The following LRMDA variants were observed in gnomAD, a reference collection of about 807,000 sequenced individuals.
LRMDA encodes the protein leucine-rich melanocyte differentiation-associated protein.
In LRMDA, 18 loss-of-function variants were observed where a neutral mutation model predicts 29.8. That is an observed-to-expected ratio of 0.60 (90% confidence interval 0.42 to 0.90). LRMDA has a LOEUF of 0.90. LRMDA is among the 40% of genes least tolerant of loss of function. The probability of loss-of-function intolerance (pLI) is 0.00; values close to 1 mark genes in which losing one functional copy is unlikely to be tolerated. For missense variants in LRMDA, 273 were observed against 273.9 expected, an observed-to-expected ratio of 1.00 and a Z score of 0.02; for synonymous variants, 125 against 109.4, an observed-to-expected ratio of 1.14 and a Z score of -0.89.
intron 2 of LRMDA, among the ~76,000 whole-genome samples, chr10:75,560,759 G>T (rs1375726992): frequency 6.6e-6 from 1 of 151,720 alleles, no homozygotes; most frequent in Non-Finnish European, 1.5e-5. Context: ...GTTGAATTTT[G>T]TCAAAGGCCT....
At chr10:76,338,719 A>T (rs1841000600) in intron 6 of LRMDA, among the ~76,000 whole-genome samples, 1 of 152,226 alleles carries the variant, frequency 6.6e-6, no homozygotes, top group African/African-American at 2.4e-5. Context: ...AATGTAAAAT[A>T]AAATACTTTT....
intron 5 of LRMDA, among the ~76,000 whole-genome samples, chr10:76,323,999 G>A (rs1840803490): frequency 1.3e-5 from 2 of 152,144 alleles, no homozygotes; most frequent in African/African-American, 4.8e-5. Context: ...TTATCCTGGG[G>A]GCAGAGCTTA....
At chr10:76,389,308 G>A (rs1445954596) in intron 6 of LRMDA, among the ~76,000 whole-genome samples, 1 of 152,082 alleles carries the variant, frequency 6.6e-6, no homozygotes, top group Non-Finnish European at 1.5e-5. Context: ...TGAGGCTGGA[G>A]AGATTGACAG....
At chr10:75,818,456 C>T (rs188877506) in intron 2 of LRMDA, among the ~76,000 whole-genome samples, 142 of 152,320 alleles carry the variant, frequency 9.3e-4, no homozygotes, top group African/African-American at 3.4e-3. Context: ...GATGAGGAGA[C>T]TGAGTGGTGT....
chr10:76,287,061 A>G (rs951861990), intron 5 of LRMDA, among the ~76,000 whole-genome samples: 4 of 152,252 alleles, frequency 2.6e-5, no homozygotes, highest in South Asian at 2.1e-4. Context: ...ATGCTTTTGA[A>G]TTTATTGGAT....
intron 2 of LRMDA, among the ~76,000 whole-genome samples, chr10:75,738,362 C>T (rs1179421737): frequency 6.6e-6 from 1 of 152,120 alleles, no homozygotes; most frequent in Non-Finnish European, 1.5e-5. Context: ...TCTTTGGTTT[C>T]ACAGAGGCCT....
At position 76,215,538 on chromosome 10, in the gene LRMDA, GAA is replaced by G. The variant is rs111919971; in HGVS notation, c.517-108852_517-108851del. Among the ~76,000 whole-genome samples the G allele has an allele frequency of 3.6e-4, 52 of 143,752 alleles. 1 individual carries two copies. Among genetic ancestry groups the G allele is most frequent in the African/African-American group, 1.3e-3 (51 of 39,430 alleles). The allele number at this position is 143,752 out of a possible 152,430, so 94.3% of individuals were successfully genotyped here. A position where few individuals can be genotyped will look rare whatever the true frequency, so the allele number is the denominator to read the frequency against. ...TGGGCTAAGTAGTAGATTCTTTCTT[GAA>G]AAAAAAAAAAGTGTGCATCCGTCAC... On this transcript the variant is annotated intron_variant, in intron 5 of 6. Coordinates refer to ENST00000611255, the MANE Select transcript of LRMDA (RefSeq NM_001305581.2).
At chr10:76,155,382 C>A (rs1898103) in intron 5 of LRMDA, among the ~76,000 whole-genome samples, 23,201 of 152,040 alleles carry the variant, frequency 0.15, 2,007 homozygotes, top group East Asian at 0.24. Flanking sequence ...CCCTAAAGGT[C>A]ATCAGAGGAG....
chr10:75,981,546 C>T (rs906990961), intron 2 of LRMDA, among the ~76,000 whole-genome samples: 3 of 152,132 alleles, frequency 2.0e-5, no homozygotes, highest in African/African-American at 7.2e-5. Context: ...ATTATCCATA[C>T]ATTTTAAGCT....
intron 6 of LRMDA, among the ~76,000 whole-genome samples, chr10:76,366,756 T>C (rs71473801): frequency 6.6e-6 from 1 of 152,170 alleles, no homozygotes. Flanking sequence ...CTTTCTCTTG[T>C]CTGATTGCTC....
intron 2 of LRMDA, among the ~76,000 whole-genome samples, chr10:75,955,979 G>T (rs958053704): frequency 6.6e-6 from 1 of 152,166 alleles, no homozygotes; most frequent in African/African-American, 2.4e-5. Context: ...AAACCTAGTA[G>T]CTTAAACCAA....
chr10:76,174,911 A>G (rs1363744077), intron 5 of LRMDA, among the ~76,000 whole-genome samples: 1 of 152,192 alleles, frequency 6.6e-6, no homozygotes, highest in African/African-American at 2.4e-5. Context: ...GCCTGAGCTC[A>G]GGAGTTCGAG....
At chr10:75,835,036 A>G (rs1430284583) in intron 2 of LRMDA, among the ~76,000 whole-genome samples, 1 of 152,250 alleles carries the variant, frequency 6.6e-6, no homozygotes, top group Non-Finnish European at 1.5e-5. Flanking sequence ...GCAGCACTCT[A>G]TTTATAAGTG....
At chr10:75,905,773 T>C (rs1845748137) in intron 2 of LRMDA, among the ~76,000 whole-genome samples, 1 of 152,124 alleles carries the variant, frequency 6.6e-6, no homozygotes, top group African/African-American at 2.4e-5. Context: ...TTCTTGGCCA[T>C]GCATAGACAA....
chr10:75,450,623 C>T (rs1433922436), intron 2 of LRMDA: 2 of 152,170 alleles, frequency 1.3e-5, no homozygotes, highest in African/African-American at 2.4e-5. Context: ...TTAAAACTTT[C>T]TTTTTCCTTG....
intron 2 of LRMDA, among the ~76,000 whole-genome samples, chr10:75,534,289 G>A (rs1589172324): frequency 6.6e-6 from 1 of 152,190 alleles, no homozygotes; most frequent in East Asian, 1.9e-4. Flanking sequence ...GCTGTGTGTG[G>A]CAGTTAGTTG....
chr10:76,520,390 A>T (rs537756321), intron 6 of LRMDA, among the ~76,000 whole-genome samples: 29 of 152,050 alleles, frequency 1.9e-4, no homozygotes, highest in Non-Finnish European at 2.9e-5. Flanking sequence ...ATACTGTTTT[A>T]AAAATTACAA....
intron 6 of LRMDA, among the ~76,000 whole-genome samples, chr10:76,554,143 G>A (rs74139689): frequency 1.1e-3 from 168 of 152,316 alleles, no homozygotes; most frequent in African/African-American, 3.8e-3. Context: ...TTGTAATGAT[G>A]TCTGGGGAGA....
At chr10:76,086,276 C>T (rs1225885201) in intron 5 of LRMDA, among the ~76,000 whole-genome samples, 1 of 152,192 alleles carries the variant, frequency 6.6e-6, no homozygotes, top group Non-Finnish European at 1.5e-5. Flanking sequence ...TTCTGCCTTT[C>T]CTTCTCTGGG....
Sources: gnomAD v4.1 joint callset for allele counts (sites outside exome capture counted in the v4.1 genomes callset) on GRCh38, gnomAD v4.1.1 for gene constraint, MANE v1.5 for transcripts, NCBI Gene and HGNC (gene_info 2026-07-23, HGNC 2026-07-21) for gene names.